LDLRAD3: variants seen among roughly 807,000 people sequenced by gnomAD.
LDLRAD3 encodes low-density lipoprotein receptor class A domain-containing protein 3.
LDLRAD3 carries 20 observed loss-of-function variants against 29.4 expected under a neutral mutation model. The ratio of observed to expected loss-of-function variants is 0.68; its 90% CI spans 0.48 to 0.99. The LOEUF is 0.99. Ranked by LOEUF, LDLRAD3 falls within the 50% of genes least tolerant of loss-of-function variation. The pLI, the probability that LDLRAD3 is intolerant of heterozygous loss-of-function variation, is 0.00. For missense variants in LDLRAD3, 420 were observed against 454.3 expected, an observed-to-expected ratio of 0.92 and a Z score of 0.69; for synonymous variants, 157 against 192.7, an observed-to-expected ratio of 0.81 and a Z score of 1.53.
chr11:36,072,738 G>A (rs1403874924), intron 2 of LDLRAD3, among the ~76,000 whole-genome samples: 1 of 152,196 alleles, frequency 6.6e-6, no homozygotes, highest in South Asian at 2.1e-4. Context: ...TCTGTGGAAC[G>A]TGAGAATTAG....
At chr11:36,180,789 G>T (rs1269268031) in intron 4 of LDLRAD3, among the ~76,000 whole-genome samples, 1 of 152,162 alleles carries the variant, frequency 6.6e-6, no homozygotes, top group Non-Finnish European at 1.5e-5. Flanking sequence ...GGTGGCCAAG[G>T]CCAGCGTGTG....
intron 1 of LDLRAD3, among the ~76,000 whole-genome samples, chr11:35,985,077 C>T (rs1245354863): frequency 6.6e-6 from 1 of 151,994 alleles, no homozygotes; most frequent in Non-Finnish European, 1.5e-5. Flanking sequence ...TCGTGCATGC[C>T]ATCATGCCAG....
intron 3 of LDLRAD3, 144 bp downstream of exon 3, chr11:36,081,922 C>G: frequency 5.0e-6 from 5 of 993,020 alleles, no homozygotes; most frequent in Non-Finnish European, 7.3e-6. Flanking sequence ...TTCTTCCCTA[C>G]TTCTTGTGTA....
intron 1 of LDLRAD3, among the ~76,000 whole-genome samples, chr11:36,026,375 G>T (rs910890991): frequency 2.0e-5 from 3 of 152,110 alleles, no homozygotes; most frequent in Non-Finnish European, 2.9e-5. Context: ...ATGTTCTCTT[G>T]CTGTCGCCCT....
intron 4 of LDLRAD3, among the ~76,000 whole-genome samples, chr11:36,201,834 G>A (rs748353249): frequency 1.5e-4 from 23 of 152,184 alleles, no homozygotes; most frequent in Non-Finnish European, 2.8e-4. Flanking sequence ...CGCGGATGTG[G>A]TTTTTCTCAA....
rs151266551 is a variant in LDLRAD3, at chr11:36,074,015, C to T, written c.194-7638C>T. Among the ~76,000 whole-genome samples, 75 of 152,204 alleles carry T rather than the reference C, an allele frequency of 4.9e-4. No individual in the cohort carries two copies. In the East Asian group the frequency reaches 0.011, roughly 23 times the overall value. Reference sequence around the variant, plus strand: ...AATGTTTTTTTTGTGTGTGTGAGAACTTAAAGAAAAAGATATCTGTGAAAC... The same window carrying T: ...AATGTTTTTTTTGTGTGTGTGAGAATTTAAAGAAAAAGATATCTGTGAAAC... On this transcript the variant is annotated intron_variant, in intron 2 of 5. Coordinates refer to ENST00000315571, the MANE Select transcript of LDLRAD3 (RefSeq NM_174902.4).
chr11:36,031,955 A>G (rs1852240709), intron 1 of LDLRAD3, among the ~76,000 whole-genome samples: 2 of 152,200 alleles, frequency 1.3e-5, no homozygotes, highest in South Asian at 4.1e-4. Context: ...GAAGTCTGAG[A>G]TGGAGGTGCA....
intron 2 of LDLRAD3, among the ~76,000 whole-genome samples, chr11:36,069,427 C>T (rs944527046): frequency 6.6e-6 from 1 of 152,248 alleles, no homozygotes; most frequent in Non-Finnish European, 1.5e-5. Flanking sequence ...GCAGCAACAT[C>T]AGATCGACCG....
At chr11:36,116,059 A>G (rs1381645243) in intron 4 of LDLRAD3, among the ~76,000 whole-genome samples, 2 of 152,172 alleles carry the variant, frequency 1.3e-5, no homozygotes, top group East Asian at 1.9e-4. Context: ...AGCTTCACAA[A>G]GGCAACCAGG....
chr11:36,215,531 A>G (rs1855340492), intron 4 of LDLRAD3, among the ~76,000 whole-genome samples: 1 of 152,092 alleles, frequency 6.6e-6, no homozygotes, highest in African/African-American at 2.4e-5. Context: ...GGCATCGGAT[A>G]TGTCTTGTGC....
intron 4 of LDLRAD3, among the ~76,000 whole-genome samples, chr11:36,137,057 C>A (rs573644974): frequency 2.3e-4 from 35 of 152,304 alleles, no homozygotes; most frequent in African/African-American, 7.5e-4. Context: ...AACAGCCTAA[C>A]ACAGTTACCC....
At chr11:36,008,180 G>A (rs1851908320) in intron 1 of LDLRAD3, among the ~76,000 whole-genome samples, 1 of 152,150 alleles carries the variant, frequency 6.6e-6, no homozygotes, top group Non-Finnish European at 1.5e-5. Flanking sequence ...CATATTATTT[G>A]TCATTTGTAA....
At chr11:35,964,591 G>T (rs1237704086) in intron 1 of LDLRAD3, among the ~76,000 whole-genome samples, 1 of 152,158 alleles carries the variant, frequency 6.6e-6, no homozygotes, top group Non-Finnish European at 1.5e-5. Flanking sequence ...ACCAGGGCCT[G>T]GTCTAGGCTG....
intron 1 of LDLRAD3, among the ~76,000 whole-genome samples, chr11:35,984,934 CTTTTTTTTTTTTT>C (rs1285306835): frequency 7.8e-6 from 1 of 127,990 alleles, no homozygotes; most frequent in Non-Finnish European, 1.7e-5. Flanking sequence ...CCTGCCTGTT[CTTTTTTTTTTTTT>C]TTTTTTCCCT....
rs151101729 is a variant in LDLRAD3, at chr11:36,054,488, G to C, written c.193+18239G>C. 1.2e-3 allele frequency among the ~76,000 whole-genome samples: 180 copies of C among 152,286 alleles called. 1 individual carries two copies. Among genetic ancestry groups the C allele is most frequent in the African/African-American group, 4.1e-3 (171 of 41,558 alleles). The stretch of plus-strand genomic sequence containing the variant: ...GACCCTGCATGGAACCTAGAGCATG[G>C]GGTTTTACTTTACTGAGCCTTCTTT... On this transcript the variant is annotated intron_variant, in intron 2 of 5. Transcript: ENST00000315571.
intron 4 of LDLRAD3, among the ~76,000 whole-genome samples, chr11:36,190,072 G>A (rs377508829): frequency 2.2e-4 from 32 of 143,002 alleles, no homozygotes; most frequent in Non-Finnish European, 4.3e-4. Context: ...CTAGGGGGAG[G>A]GGGGAGGGGA....
intron 1 of LDLRAD3, among the ~76,000 whole-genome samples, chr11:35,999,294 G>C (rs1338885052): frequency 6.6e-6 from 1 of 152,196 alleles, no homozygotes; most frequent in Non-Finnish European, 1.5e-5. Context: ...CGACCCTGAG[G>C]ATGCAGAGGT....
At chr11:35,986,641 G>A (rs913738083) in intron 1 of LDLRAD3, among the ~76,000 whole-genome samples, 4 of 152,124 alleles carry the variant, frequency 2.6e-5, no homozygotes, top group East Asian at 3.9e-4. Context: ...AGACTCCACC[G>A]TCTGCAACAT....
chr11:36,085,657 G>T (rs1396932427), intron 3 of LDLRAD3, among the ~76,000 whole-genome samples: 3 of 151,948 alleles, frequency 2.0e-5, no homozygotes, highest in Non-Finnish European at 4.4e-5. Context: ...CATCACCCAG[G>T]CTAGAGTGCA....
Sources: allele counts gnomAD v4.1 joint callset (sites outside exome capture counted in the v4.1 genomes callset), GRCh38; gene constraint gnomAD v4.1.1; transcripts MANE v1.5; gene names NCBI Gene and HGNC (gene_info 2026-07-23, HGNC 2026-07-21).